The following ATAT1 variants were observed in gnomAD, a reference collection of about 807,000 sequenced individuals.
ATAT1 encodes alpha-tubulin N-acetyltransferase 1.
A neutral mutation model predicts 57.2 loss-of-function variants in ATAT1; 42 were observed. That is an observed-to-expected ratio of 0.73 (90% CI 0.57 to 0.95). ATAT1 has a LOEUF of 0.95. Among genes scored for constraint, ATAT1 ranks in the 40% least tolerant of loss-of-function variants. ATAT1 has a pLI of 0.00. For synonymous variants in ATAT1, 168 were observed against 187.1 expected (o/e 0.90, Z 0.83); for missense variants, 454 against 523.7 (o/e 0.87, Z 1.30).
At chr6:30,645,816 T>A in intron 10 of ATAT1, 79 bp from the exon 11 acceptor site, 2 of 1,013,514 alleles carry the variant, frequency 2.0e-6, no homozygotes, top group Non-Finnish European at 2.8e-6. Flanking sequence ...TTCCTTTTAC[T>A]CCTCTCCTCT....
chr6:30,627,822 G>A lies in ATAT1; in HGVS notation c.225-29G>A, dbSNP rs1192307587. 2.5e-6 allele frequency: 4 copies of A among 1,610,954 alleles called. No homozygotes were observed. The South Asian group carries it at 4.4e-5, about 18-fold the overall frequency. ...TATCTCTTGCAGATAGATACCACTA[G>A]CCTGTTCATTATTTTCCCCGTCCTA... On this transcript the variant is annotated intron_variant, in intron 3 of 12. Coordinates refer to ENST00000330083, the MANE Select transcript of ATAT1 (RefSeq NM_001031722.4).
At position 30,627,051 on chromosome 6, in the gene ATAT1, C is replaced by T. The variant is rs1761815290; in HGVS notation, c.-153C>T. ...TCCCGGTTCCTCTCCAAACCTGGTC[C>T]AGGCACCACGCCCCCTTCTCACTGA... is the stretch of plus-strand genomic sequence containing the variant. On this transcript the variant is annotated 5_prime_UTR_variant, in exon 1 of 13. Coordinates refer to ENST00000330083, the MANE Select transcript of ATAT1 (RefSeq NM_001031722.4). The T allele has an allele frequency of 3.2e-6, 5 of 1,548,982 alleles. No homozygotes were observed. In the African/African-American group the frequency reaches 5.5e-5, roughly 17 times the overall value.
Position 30,628,347 on chromosome 6 carries a change from C to T in ATAT1, c.418C>T (p.His140Tyr). 1.2e-6 allele frequency: 2 copies of T among 1,613,032 alleles called. No individual in the cohort carries two copies. The highest frequency in any genetic ancestry group is 1.1e-5 in the South Asian group (1 of 91,086). ...CCTGCAGAAGGAGCGAGTGGAACCG[C>T]ACCAACTGGCAATTGACCGACCCTC... Residue 140 changes from histidine to tyrosine, a missense_variant, in exon 6 of 13, where the codon CAC becomes TAC. By Grantham distance (83) the His-to-Tyr change is moderately conservative. Around this residue, in one of 3 missense-constraint regions of ATAT1, gnomAD observed 236 missense variants for 284.5 expected, o/e 0.83. Transcript: ENST00000330083.
intron 1 of ATAT1, 37 bp from the exon 2 acceptor site, chr6:30,627,423 G>C (rs763463005): frequency 1.2e-6 from 2 of 1,606,146 alleles, no homozygotes; most frequent in Admixed American, 3.3e-5. Flanking sequence ...CGCTAATTTA[G>C]TGAGTATCTG....
Position 30,640,397 on chromosome 6 carries a change from T to C in ATAT1, c.522T>C (p.Phe174=). Residue 174 remains phenylalanine (F), a synonymous_variant, in exon 7 of 13, where the codon TTT becomes TTC. Transcript: ENST00000330083. Reference sequence around the variant, plus strand: ...TCCAGGTGAACAACTTTGTGATCTTTGAAGGCTTCTTTGCCCATCAACATC... The same window carrying C: ...TCCAGGTGAACAACTTTGTGATCTTCGAAGGCTTCTTTGCCCATCAACATC... 2.5e-6 allele frequency: 4 copies of C among 1,613,068 alleles called. No individual in the cohort carries two copies. Among genetic ancestry groups the C allele is most frequent in the Non-Finnish European group, 3.4e-6 (4 of 1,180,034 alleles).
chr6:30,646,341 T>G, intron 12 of ATAT1, 128 bp from the exon 13 acceptor site: 1 of 1,448,022 alleles, frequency 6.9e-7, no homozygotes, highest in Non-Finnish European at 9.1e-7. Context: ...GACATAGCAC[T>G]AATGGTTCCA....
intron 10 of ATAT1, chr6:30,644,750 C>A: frequency 1.6e-6 from 1 of 622,376 alleles, no homozygotes; most frequent in Non-Finnish European, 2.0e-6. Flanking sequence ...TCTCATTTCT[C>A]ACTTCTGAGA....
At chr6:30,635,589 A>C (rs973898220) in intron 6 of ATAT1, among the ~76,000 whole-genome samples, 1 of 141,148 alleles carries the variant, frequency 7.1e-6, no homozygotes, top group African/African-American at 2.6e-5. Flanking sequence ...ACTCCATCTC[A>C]AAAAAAAAAA....
intron 6 of ATAT1, among the ~76,000 whole-genome samples, chr6:30,632,829 C>G (rs1281514652): frequency 6.6e-6 from 1 of 150,520 alleles, no homozygotes; most frequent in Non-Finnish European, 1.5e-5. Flanking sequence ...CCCAGCTACT[C>G]GGGAGACTGA....
intron 8 of ATAT1, among the ~76,000 whole-genome samples, chr6:30,641,134 CACAA>C: frequency 6.6e-6 from 1 of 152,128 alleles, no homozygotes; most frequent in Non-Finnish European, 1.5e-5. Context: ...CACACACACA[CACAA>C]ACACACTTAC....
At chr6:30,636,058 G>A (rs1355590306) in intron 6 of ATAT1, among the ~76,000 whole-genome samples, 3 of 152,156 alleles carry the variant, frequency 2.0e-5, no homozygotes, top group Non-Finnish European at 4.4e-5. Flanking sequence ...AGATTTGGTT[G>A]ACAAGTTAGC....
rs199637826 is a variant in ATAT1 at position 30,645,939 on chromosome 6, G to A, written c.977G>A (p.Arg326His). 92 of 1,532,016 alleles carry A rather than the reference G, an allele frequency of 6.0e-5. No homozygotes were observed. In the African/African-American group the frequency reaches 9.7e-4, roughly 16 times the overall value. The allele number at this position is 1,532,016 out of a possible 1,614,324, so 94.9% of individuals were successfully genotyped here. ...GTAGCCCAAAGCTGCTGCTACAGCC[G>A]CCATGGGGGGGTGAATTCCTCATCC... The change falls in exon 11 of 13, where the codon CGC becomes CAC. Residue 326 changes from arginine to histidine, a missense_variant. Arg to His is a conservative substitution (Grantham distance 29). Coordinates refer to ENST00000330083, the MANE Select transcript of ATAT1 (RefSeq NM_001031722.4).
At chr6:30,643,511 C>G (rs1765994009) in intron 10 of ATAT1, 2 of 1,550,636 alleles carry the variant, frequency 1.3e-6, no homozygotes, top group Non-Finnish European at 1.7e-6. Context: ...TCCTCCCATC[C>G]ATAACATCCT....
Position 30,640,612 on chromosome 6 carries a change from T to C in ATAT1, c.616+9T>C. 1.2e-6 allele frequency: 2 copies of C among 1,612,448 alleles called. No homozygotes were observed. Among genetic ancestry groups the C allele is most frequent in the Non-Finnish European group, 1.7e-6 (2 of 1,179,704 alleles). The stretch of plus-strand genomic sequence containing the variant: ...CGATCCCACGCCCGCTGGTAAAGCC[T>C]GTATTGAAGGGGTGGAACTGTAGTG... On this transcript the variant is annotated intron_variant, in intron 8 of 12. Coordinates refer to ENST00000330083, the MANE Select transcript of ATAT1 (RefSeq NM_001031722.4).
In ATAT1 at chr6:30,627,435, CTCTT is replaced by C. The variant is rs1163572002; in HGVS notation, c.72-23_72-20del. The C allele has an allele frequency of 5.6e-6, 9 of 1,609,612 alleles. No individual in the cohort carries two copies. The African/African-American group carries it at 1.1e-4, about 19-fold the overall frequency. On this transcript the variant is annotated intron_variant, in intron 1 of 12. Coordinates refer to ENST00000330083, the MANE Select transcript of ATAT1 (RefSeq NM_001031722.4). The stretch of plus-strand genomic sequence containing the variant: ...ACCCGCTAATTTAGTGAGTATCTGA[CTCTT>C]TATTTCTTCTCTTTCTCTAGTGTTG...
chr6:30,629,685 C>T (rs1294241582), intron 6 of ATAT1, among the ~76,000 whole-genome samples: 1 of 152,204 alleles, frequency 6.6e-6, no homozygotes, highest in Non-Finnish European at 1.5e-5. Flanking sequence ...GCTGGGACTA[C>T]AGGTGCCCAC....
At chr6:30,628,503 T>C in intron 6 of ATAT1, 73 bp downstream of exon 6, 2 of 1,250,986 alleles carry the variant, frequency 1.6e-6, no homozygotes, top group South Asian at 1.3e-5. Context: ...GGCAAAGAAG[T>C]AGTGACTTAT....
At chr6:30,627,370 T>A (rs1356646693) in intron 1 of ATAT1, 90 bp from the exon 2 acceptor site, 3 of 1,604,164 alleles carry the variant, frequency 1.9e-6, no homozygotes, top group Non-Finnish European at 2.6e-6. Flanking sequence ...TAAACCTGGG[T>A]TGGAGTTGTG....
At chr6:30,630,404 C>T (rs893686235) in intron 6 of ATAT1, among the ~76,000 whole-genome samples, 15 of 151,776 alleles carry the variant, frequency 9.9e-5, no homozygotes, top group African/African-American at 2.9e-4. Flanking sequence ...GGGAGGCTGA[C>T]GTGGGCGAAT....
Sources: gnomAD v4.1 joint callset for allele counts (sites outside exome capture counted in the v4.1 genomes callset) on GRCh38, gnomAD v4.1.1 for gene constraint, gnomAD v4.1.1 regional missense constraint, MANE v1.5 for transcripts, NCBI Gene and HGNC (gene_info 2026-07-23, HGNC 2026-07-21) for gene names.